MND1: variants seen among roughly 807,000 people sequenced by gnomAD.
MND1 encodes meiotic nuclear divisions 1.
Under a neutral mutation model 35.1 loss-of-function variants are expected in MND1, and 28 were observed. The ratio of observed to expected loss-of-function variants is 0.80; its 90% CI spans 0.59 to 1.09. MND1 has a LOEUF of 1.09. Ranked by LOEUF, MND1 falls within the 50% of genes least tolerant of loss-of-function variation. MND1 has a pLI of 0.00. For missense variants in MND1, 213 were observed against 239.6 expected, an observed-to-expected ratio of 0.89 and a Z score of 0.73; for synonymous variants, 69 against 70.5, an observed-to-expected ratio of 0.98 and a Z score of 0.11.
intron 4 of MND1, among the ~76,000 whole-genome samples, chr4:153,389,061 A>G (rs914055638): frequency 2.0e-5 from 3 of 152,246 alleles, no homozygotes; most frequent in Admixed American, 6.5e-5. Context: ...CTCAGAGGTG[A>G]GCACAGCAAT....
At position 153,350,113 on chromosome 4, in the gene MND1, A is replaced by C. The variant is rs1453657234; in HGVS notation, c.53A>C (p.Glu18Ala). 6.2e-7 allele frequency: 1 copy of C among 1,605,176 alleles called. No homozygotes were observed. The highest frequency in any genetic ancestry group is 8.5e-7 in the Non-Finnish European group (1 of 1,176,426). The stretch of plus-strand genomic sequence containing the variant: ...GAAGAAAAGAGAACTCGCATGATGG[A>C]AATATTTTCTGAAACAGTAAGTCAT... ...SAEEKRTRMM[E>A]IFSETKDVFQ... Residue 18 changes from glutamate (E) to alanine (A), a missense_variant, in exon 2 of 8, where the codon GAA becomes GCA. Coordinates refer to ENST00000240488, the MANE Select transcript of MND1 (RefSeq NM_032117.4).
intron 1 of MND1, among the ~76,000 whole-genome samples, chr4:153,346,835 A>T (rs1325928093): frequency 6.6e-6 from 1 of 152,184 alleles, no homozygotes; most frequent in Non-Finnish European, 1.5e-5. Flanking sequence ...TCAAAATGTT[A>T]GGAGTCTTTC....
chr4:153,358,792 C>T (rs549721102), intron 4 of MND1, among the ~76,000 whole-genome samples, 170 bp downstream of exon 4: 1 of 152,218 alleles, frequency 6.6e-6, no homozygotes, highest in Admixed American at 6.5e-5. Flanking sequence ...GAACTTAGAA[C>T]GTTTTAATTT....
chr4:153,360,688 A>G (rs1320582818), intron 4 of MND1, among the ~76,000 whole-genome samples: 1 of 148,504 alleles, frequency 6.7e-6, no homozygotes, highest in African/African-American at 2.5e-5. Context: ...AAATAAATAA[A>G]TACTATAAAT....
chr4:153,358,010 A>C (rs1407151004), intron 3 of MND1, among the ~76,000 whole-genome samples: 1 of 152,216 alleles, frequency 6.6e-6, no homozygotes, highest in Non-Finnish European at 1.5e-5. Context: ...TAGATAATCT[A>C]TTGGGAGAGA....
At chr4:153,373,732 C>G (rs1728394493) in intron 4 of MND1, among the ~76,000 whole-genome samples, 1 of 152,168 alleles carries the variant, frequency 6.6e-6, no homozygotes, top group African/African-American at 2.4e-5. Context: ...CTGTTCTAAG[C>G]AGTCCAGAAA....
chr4:153,384,469 T>TG (rs1728798917), intron 4 of MND1, among the ~76,000 whole-genome samples: 2 of 130,654 alleles, frequency 1.5e-5, no homozygotes, highest in Admixed American at 1.6e-4. Flanking sequence ...TTTTTTTTTT[T>TG]TTTGTCAGAG....
chr4:153,396,946 A>G (rs1014050081), intron 5 of MND1, among the ~76,000 whole-genome samples: 1 of 152,052 alleles, frequency 6.6e-6, no homozygotes, highest in Non-Finnish European at 1.5e-5. Context: ...TCTAACATGA[A>G]CCTCCCACCT....
intron 4 of MND1, among the ~76,000 whole-genome samples, chr4:153,382,969 C>A (rs1006273105): frequency 2.0e-5 from 3 of 152,172 alleles, no homozygotes; most frequent in Non-Finnish European, 4.4e-5. Flanking sequence ...TAGGCCCATT[C>A]TTTCCCAATG....
At chr4:153,394,171 T>G (rs965703182) in intron 4 of MND1, 91 bp from the exon 5 acceptor site, 58 of 1,127,062 alleles carry the variant, frequency 5.1e-5, no homozygotes, top group Non-Finnish European at 6.8e-5. Context: ...TGCTGGGGCG[T>G]GAGCCACTGC....
intron 5 of MND1, among the ~76,000 whole-genome samples, 188 bp downstream of exon 5, chr4:153,394,524 A>C (rs1178409440): frequency 6.6e-6 from 1 of 152,204 alleles, no homozygotes; most frequent in Non-Finnish European, 1.5e-5. Context: ...TATATATGGC[A>C]GCATAGCATA....
chr4:153,401,212 G>A (rs1228387095), intron 6 of MND1, among the ~76,000 whole-genome samples: 1 of 152,076 alleles, frequency 6.6e-6, no homozygotes, highest in Non-Finnish European at 1.5e-5. Flanking sequence ...AGACCAGCCT[G>A]GACAGCATAT....
intron 4 of MND1, among the ~76,000 whole-genome samples, chr4:153,373,737 C>T (rs1000219142): frequency 2.0e-5 from 3 of 152,110 alleles, no homozygotes; most frequent in Admixed American, 2.0e-4. Flanking sequence ...CTAAGCAGTC[C>T]AGAAATAAAT....
At chr4:153,349,691 G>A (rs554147744) in intron 1 of MND1, among the ~76,000 whole-genome samples, 2 of 152,126 alleles carry the variant, frequency 1.3e-5, no homozygotes, top group South Asian at 4.2e-4. Flanking sequence ...GGAATTCATT[G>A]TGTTCTGGGT....
At chr4:153,344,897 C>T (rs970748512) in intron 1 of MND1, among the ~76,000 whole-genome samples, 157 bp downstream of exon 1, 2 of 152,128 alleles carry the variant, frequency 1.3e-5, no homozygotes, top group Non-Finnish European at 2.9e-5. Context: ...GGGGCCCAGC[C>T]CGGCCCCGCC....
chr4:153,350,504 A>AG (rs34445327), intron 2 of MND1, among the ~76,000 whole-genome samples: 1 of 152,250 alleles, frequency 6.6e-6, no homozygotes, highest in Non-Finnish European at 1.5e-5. Flanking sequence ...GATTCAAACC[A>AG]GGGAGGATCA....
chr4:153,384,259 T>C (rs1728787109), intron 4 of MND1, among the ~76,000 whole-genome samples: 2 of 53,678 alleles, frequency 3.7e-5, no homozygotes, highest in African/African-American at 1.6e-4. Context: ...TACTTTCTGC[T>C]TTTTTTTTTT....
intron 7 of MND1, among the ~76,000 whole-genome samples, chr4:153,413,799 C>T (rs961167815): frequency 6.6e-6 from 1 of 152,090 alleles, no homozygotes; most frequent in Non-Finnish European, 1.5e-5. Flanking sequence ...GATGAGTAGA[C>T]ATTTAGATTG....
chr4:153,349,429 T>G (rs35526989), intron 1 of MND1, among the ~76,000 whole-genome samples: 37,056 of 152,006 alleles, frequency 0.24, 4,664 homozygotes, highest in African/African-American at 0.3. Context: ...TTGTCTAGAA[T>G]GAAGTCCACT....
Sources: allele counts gnomAD v4.1 joint callset (sites outside exome capture counted in the v4.1 genomes callset), GRCh38; gene constraint gnomAD v4.1.1; transcripts MANE v1.5; gene names NCBI Gene and HGNC (gene_info 2026-07-23, HGNC 2026-07-21).